CTNND2: variants seen among roughly 807,000 people sequenced by gnomAD.
CTNND2 encodes catenin delta-2.
A neutral mutation model predicts 144.4 loss-of-function variants in CTNND2; 22 were observed. The ratio of observed to expected loss-of-function variants is 0.15; its 90% confidence interval spans 0.11 to 0.22. The LOEUF (loss-of-function observed/expected upper bound fraction) is 0.22, where lower values mean the gene tolerates loss of function less well. Among genes scored for constraint, CTNND2 ranks in the 10% least tolerant of loss-of-function variants. The probability of loss-of-function intolerance (pLI) is 1.00; values close to 1 mark genes in which losing one functional copy is unlikely to be tolerated. For missense variants in CTNND2, 1,353 were observed against 1,618.8 expected, an observed-to-expected ratio of 0.84 and a Z score of 2.82; for synonymous variants, 751 against 695.6, an observed-to-expected ratio of 1.08 and a Z score of -1.25.
At chr5:11,431,146 T>C (rs1453592030) in intron 3 of CTNND2, among the ~76,000 whole-genome samples, 1 of 152,250 alleles carries the variant, frequency 6.6e-6, no homozygotes, top group East Asian at 1.9e-4. Context: ...TTCTTCTTTT[T>C]CCTGACCCTC....
At chr5:11,864,047 G>A (rs769774244) in intron 1 of CTNND2, among the ~76,000 whole-genome samples, 20 of 151,934 alleles carry the variant, frequency 1.3e-4, no homozygotes, top group Non-Finnish European at 2.2e-4. Flanking sequence ...TCAGGATCAC[G>A]AACGTCATGT....
chr5:11,200,932 G>A lies in CTNND2; in HGVS notation c.1762-1271C>T, dbSNP rs560893847. Reference sequence around the variant, plus strand: ...CTGACCTCGTGATCCGCCCGCCTCAGCCTCCCAAAGTGTTGGGATTACAGG... The same window carrying A: ...CTGACCTCGTGATCCGCCCGCCTCAACCTCCCAAAGTGTTGGGATTACAGG... On this transcript the variant is annotated intron_variant, in intron 10 of 21. Coordinates refer to ENST00000304623, the MANE Select transcript of CTNND2 (RefSeq NM_001332.4). Among the ~76,000 whole-genome samples, 96 of 152,156 alleles carry A rather than the reference G, an allele frequency of 6.3e-4. 1 individual carries two copies. Among genetic ancestry groups the A allele is most frequent in the Non-Finnish European group, 1.2e-3 (80 of 68,006 alleles).
intron 2 of CTNND2, among the ~76,000 whole-genome samples, chr5:11,675,586 C>T (rs1159354872): frequency 3.3e-5 from 5 of 151,958 alleles, no homozygotes; most frequent in African/African-American, 9.7e-5. Context: ...CTGAATTTTG[C>T]GTTCACCAGT....
At position 11,662,177 on chromosome 5, in the gene CTNND2, A is replaced by G. The variant is rs144662061; in HGVS notation, c.174+69959T>C. ...TATATGTGTATATATGTGTATATAT[A>G]CATATATGTGTATATATGTGTATAT... is the stretch of plus-strand genomic sequence containing the variant. On this transcript the variant is annotated intron_variant, in intron 2 of 21. Transcript: ENST00000304623. Among the ~76,000 whole-genome samples the G allele has an allele frequency of 3.6e-3, 468 of 131,566 alleles. 2 individuals are homozygous for G. The highest frequency in any genetic ancestry group is 0.011 in the African/African-American group (363 of 33,742). The allele number at this position is 131,566 out of a possible 152,430, so 86.3% of individuals were successfully genotyped here.
At chr5:11,737,558 A>G (rs1055636590) in intron 1 of CTNND2, among the ~76,000 whole-genome samples, 1 of 152,172 alleles carries the variant, frequency 6.6e-6, no homozygotes, top group Non-Finnish European at 1.5e-5. Context: ...CCAGAAAATA[A>G]TAAAACAACA....
intron 14 of CTNND2, among the ~76,000 whole-genome samples, chr5:11,102,021 A>G (rs1419965617): frequency 6.6e-6 from 1 of 151,946 alleles, no homozygotes; most frequent in Non-Finnish European, 1.5e-5. Flanking sequence ...GGTTTTAAAA[A>G]AGCTTTTTTG....
intron 2 of CTNND2, among the ~76,000 whole-genome samples, chr5:11,718,909 G>T (rs59139202): frequency 0.019 from 2,926 of 152,232 alleles, 94 homozygotes; most frequent in African/African-American, 0.066. Flanking sequence ...TCCCCAGCTT[G>T]AGACTGCATA....
chr5:11,341,706 T>C (rs956537662), intron 9 of CTNND2, among the ~76,000 whole-genome samples: 4 of 152,226 alleles, frequency 2.6e-5, no homozygotes, highest in East Asian at 1.9e-4. Context: ...CAAGTCTTCA[T>C]CTTTTTAAAA....
chr5:11,079,710 C>T (rs1749345283), intron 16 of CTNND2, among the ~76,000 whole-genome samples: 1 of 152,180 alleles, frequency 6.6e-6, no homozygotes. Flanking sequence ...TCCTTTGAGT[C>T]TCTAGTGTTA....
intron 1 of CTNND2, among the ~76,000 whole-genome samples, chr5:11,842,578 G>A (rs190800267): frequency 2.0e-5 from 3 of 152,024 alleles, no homozygotes; most frequent in Admixed American, 2.0e-4. Context: ...AATTAGCCGG[G>A]CACGGTGGCG....
intron 3 of CTNND2, among the ~76,000 whole-genome samples, chr5:11,453,685 A>C (rs1765481512): frequency 6.6e-6 from 1 of 152,192 alleles, no homozygotes; most frequent in African/African-American, 2.4e-5. Context: ...TATATTCCCC[A>C]AAAAGAAAAC....
intron 12 of CTNND2, among the ~76,000 whole-genome samples, chr5:11,158,859 T>C (rs1291379598): frequency 1.2e-4 from 19 of 152,228 alleles, no homozygotes. Context: ...TTTGCAACTT[T>C]GGTACAAAAT....
At chr5:11,701,317 T>A (rs1234406437) in intron 2 of CTNND2, among the ~76,000 whole-genome samples, 1 of 152,170 alleles carries the variant, frequency 6.6e-6, no homozygotes, top group East Asian at 1.9e-4. Flanking sequence ...ATGTCACAGA[T>A]AATGGCTGCC....
intron 9 of CTNND2, among the ~76,000 whole-genome samples, chr5:11,300,302 A>C (rs1448918244): frequency 6.6e-6 from 1 of 152,182 alleles, no homozygotes. Context: ...CAGGGTAGGC[A>C]GAGGACACCC....
intron 11 of CTNND2, among the ~76,000 whole-genome samples, chr5:11,195,346 C>A (rs1427795318): frequency 6.6e-6 from 1 of 152,102 alleles, no homozygotes; most frequent in African/African-American, 2.4e-5. Flanking sequence ...ATGTCCTAAG[C>A]ATCCCTTTTC....
intron 11 of CTNND2, 55 bp downstream of exon 11, chr5:11,199,393 G>C (rs1014881469): frequency 2.0e-6 from 3 of 1,491,754 alleles, no homozygotes; most frequent in Non-Finnish European, 2.8e-6. Flanking sequence ...CTCTGTGTTG[G>C]ATAATGGAAA....
intron 9 of CTNND2, 52 bp from the exon 10 acceptor site, chr5:11,236,875 C>T (rs750915895): frequency 1.2e-5 from 19 of 1,593,346 alleles, no homozygotes; most frequent in Admixed American, 1.7e-5. Context: ...TCCTACCACA[C>T]TGTTAACACA....
chr5:11,101,885 A>ATGTGTGTGTGTGTG (rs1491537465), intron 14 of CTNND2, among the ~76,000 whole-genome samples: 204 of 89,662 alleles, frequency 2.3e-3, no homozygotes, highest in African/African-American at 9.1e-3. Flanking sequence ...TGACGACCAC[A>ATGTGTGTGTGTGTG]TATGTGTGTG....
In CTNND2 at chr5:11,263,344, G is replaced by T. The variant is rs537476540; in HGVS notation, c.1629-26521C>A. On this transcript the variant is annotated intron_variant, in intron 9 of 21. Coordinates refer to ENST00000304623, the MANE Select transcript of CTNND2 (RefSeq NM_001332.4). ...TTTTAAATAGAGCAACCAAGGAAAT[G>T]ATTAAAGAATACCATAACTCTAGAG... 1.1e-4 allele frequency among the ~76,000 whole-genome samples: 17 copies of T among 152,218 alleles called. No homozygotes were observed. The East Asian group carries it at 3.3e-3, about 29-fold the overall frequency.
Sources: gnomAD v4.1 joint callset for allele counts (sites outside exome capture counted in the v4.1 genomes callset) on GRCh38, gnomAD v4.1.1 for gene constraint, MANE v1.5 for transcripts, NCBI Gene and HGNC (gene_info 2026-07-23, HGNC 2026-07-21) for gene names.